NRXN1: variants seen among roughly 807,000 people sequenced by gnomAD.
NRXN1 encodes neurexin-1.
NRXN1 carries 39 observed loss-of-function variants against 150.9 expected under a neutral mutation model. That is an observed-to-expected ratio of 0.26 (90% CI 0.20 to 0.34). NRXN1 has a LOEUF of 0.34. Ranked by LOEUF, NRXN1 falls within the 10% of genes least tolerant of loss-of-function variation. The pLI is 1.00. For missense variants in NRXN1, 1,815 were observed against 1,949.9 expected (o/e 0.93, Z 1.30); for synonymous variants, 924 against 757.0 (o/e 1.22, Z -3.62).
At chr2:50,559,912 C>A (rs1668807093) in intron 8 of NRXN1, among the ~76,000 whole-genome samples, 1 of 152,038 alleles carries the variant, frequency 6.6e-6, no homozygotes, top group African/African-American at 2.4e-5. Flanking sequence ...AATGTTTTGG[C>A]CCAAAAGCAA....
chr2:50,338,472 A>T (rs960853244), intron 17 of NRXN1, among the ~76,000 whole-genome samples: 3 of 152,274 alleles, frequency 2.0e-5, no homozygotes, highest in Admixed American at 2.0e-4. Context: ...CTAGGCAAAA[A>T]TTCTCAGAGG....
At chr2:50,234,950 C>G (rs1169112370) in intron 18 of NRXN1, among the ~76,000 whole-genome samples, 1 of 151,892 alleles carries the variant, frequency 6.6e-6, no homozygotes, top group Non-Finnish European at 1.5e-5. Flanking sequence ...CCACATTTGA[C>G]CAGAATTGGA....
chr2:50,417,011 T>C (rs900421067), intron 17 of NRXN1: 3 of 148,252 alleles, frequency 2.0e-5, no homozygotes, highest in African/African-American at 7.9e-5. Flanking sequence ...GAAATCTTAA[T>C]CAAAAAACAG....
intron 5 of NRXN1, among the ~76,000 whole-genome samples, chr2:50,774,051 A>G (rs1297307681): frequency 6.6e-6 from 1 of 152,148 alleles, no homozygotes; most frequent in Non-Finnish European, 1.5e-5. Context: ...CTAGCTGATC[A>G]GTATATCGAA....
At chr2:50,791,884 C>A (rs1706100573) in intron 5 of NRXN1, among the ~76,000 whole-genome samples, 1 of 151,982 alleles carries the variant, frequency 6.6e-6, no homozygotes, top group African/African-American at 2.4e-5. Context: ...CCACTTAGAG[C>A]CTGAAGTAAA....
intron 5 of NRXN1, among the ~76,000 whole-genome samples, chr2:50,798,990 T>C (rs912280574): frequency 1.3e-5 from 2 of 152,208 alleles, no homozygotes; most frequent in Non-Finnish European, 2.9e-5. Context: ...GCAAAAGTAA[T>C]TGCAGTTTTT....
chr2:50,988,462 A>G (rs1231731662), intron 2 of NRXN1, among the ~76,000 whole-genome samples: 1 of 151,960 alleles, frequency 6.6e-6, no homozygotes, highest in East Asian at 1.9e-4. Context: ...TTTTGTTTGG[A>G]AAATCAAACG....
At chr2:50,653,348 C>T (rs1685916993) in intron 5 of NRXN1, among the ~76,000 whole-genome samples, 1 of 152,062 alleles carries the variant, frequency 6.6e-6, no homozygotes, top group Non-Finnish European at 1.5e-5. Context: ...ACCTGATTGG[C>T]TGCAGTCAAT....
intron 5 of NRXN1, among the ~76,000 whole-genome samples, chr2:50,876,486 C>T (rs529583446): frequency 4.0e-5 from 6 of 151,858 alleles, no homozygotes; most frequent in South Asian, 4.2e-4. Context: ...ACTAGGAAAG[C>T]GAAGGTGAGT....
chr2:50,591,812 C>T (rs1175224439), intron 8 of NRXN1, among the ~76,000 whole-genome samples: 1 of 152,214 alleles, frequency 6.6e-6, no homozygotes, highest in African/African-American at 2.4e-5. Flanking sequence ...ATGCTAAATA[C>T]AAGTTAGGCG....
intron 22 of NRXN1, among the ~76,000 whole-genome samples, chr2:49,942,342 C>A (rs892244809): frequency 6.6e-6 from 1 of 152,082 alleles, no homozygotes; most frequent in Admixed American, 6.6e-5. Flanking sequence ...GCTCTCTAAG[C>A]GCTACAGTCA....
At chr2:50,052,476 T>TC (rs962481232) in intron 21 of NRXN1, among the ~76,000 whole-genome samples, 1 of 152,156 alleles carries the variant, frequency 6.6e-6, no homozygotes, top group African/African-American at 2.4e-5. Context: ...GGTTTTTTTT[T>TC]CCCTGTGTTC....
chr2:50,924,675 GA>G (rs2104317255), intron 3 of NRXN1, among the ~76,000 whole-genome samples: 1 of 151,706 alleles, frequency 6.6e-6, no homozygotes, highest in African/African-American at 2.4e-5. Context: ...TACAAAAACA[GA>G]AGCCATATAT....
chr2:49,975,330 T>C (rs1291918634), intron 21 of NRXN1, among the ~76,000 whole-genome samples: 1 of 152,038 alleles, frequency 6.6e-6, no homozygotes, highest in Non-Finnish European at 1.5e-5. Flanking sequence ...ATACTATTCA[T>C]ACATTTGAAA....
At chr2:50,483,661 A>G (rs759606478) in intron 15 of NRXN1, among the ~76,000 whole-genome samples, 2 of 152,148 alleles carry the variant, frequency 1.3e-5, no homozygotes, top group Non-Finnish European at 2.9e-5. Context: ...CCAGGGTAAT[A>G]CAAGCAATAC....
intron 17 of NRXN1, among the ~76,000 whole-genome samples, chr2:50,288,114 G>A (rs1254013498): frequency 6.6e-6 from 1 of 152,136 alleles, no homozygotes; most frequent in Non-Finnish European, 1.5e-5. Context: ...TGTTCAAACA[G>A]CATGTAATTA....
At chr2:50,407,258 GC>G (rs2082813141) in intron 17 of NRXN1, among the ~76,000 whole-genome samples, 1 of 151,876 alleles carries the variant, frequency 6.6e-6, no homozygotes, top group South Asian at 2.1e-4. Context: ...TTCTTTCCTT[GC>G]CCCAAGATGC....
chr2:50,195,291 T>C (rs1364344337), intron 18 of NRXN1, among the ~76,000 whole-genome samples: 1 of 152,166 alleles, frequency 6.6e-6, no homozygotes, highest in Non-Finnish European at 1.5e-5. Context: ...CAATTCTTCA[T>C]GTCCACAGCA....
rs75309768 is a variant in NRXN1 at position 50,538,739 on chromosome 2, G to C, written c.1760-103C>G. On this transcript the variant is annotated intron_variant, in intron 9 of 22. Coordinates refer to ENST00000401669, the MANE Select transcript of NRXN1 (RefSeq NM_001330078.2). ...CTTGATGGTTAACTCCTTGGAGGCAGACAATTATTATTATTCTTTCTGTCC... is the reference window on the plus strand; with the variant it reads ...CTTGATGGTTAACTCCTTGGAGGCACACAATTATTATTATTCTTTCTGTCC... The C allele has an allele frequency of 4.0e-3, 3,641 of 902,358 alleles. 21 individuals are homozygous for C. The highest frequency in any genetic ancestry group is 0.015 in the South Asian group (356 of 24,224). 55.9% of individuals were successfully genotyped at this position (902,358 alleles called of 1,614,324 possible).
Sources: allele counts gnomAD v4.1 joint callset (sites outside exome capture counted in the v4.1 genomes callset), GRCh38; gene constraint gnomAD v4.1.1; transcripts MANE v1.5; gene names NCBI Gene and HGNC (gene_info 2026-07-23, HGNC 2026-07-21).